The following MEGF10 variants were observed in gnomAD, a reference collection of about 807,000 sequenced individuals.
MEGF10 encodes multiple EGF like domains 10.
In MEGF10, 86 loss-of-function variants were observed where a neutral mutation model predicts 147.5. The observed-to-expected ratio is 0.58, with a 90% CI of 0.49 to 0.70. The LOEUF is 0.70. Ranked by LOEUF, MEGF10 falls within the 30% of genes least tolerant of loss-of-function variation. MEGF10 has a pLI of 0.00. For missense variants in MEGF10, 1,329 were observed against 1,487.3 expected, an observed-to-expected ratio of 0.89 and a Z score of 1.75; for synonymous variants, 478 against 525.5, an observed-to-expected ratio of 0.91 and a Z score of 1.24.
the MEGF10 span, among the ~76,000 whole-genome samples, chr5:127,250,719 A>G: frequency 6.6e-6 from 1 of 152,138 alleles, no homozygotes; most frequent in African/African-American, 2.4e-5. Context: ...ATTATAAAGA[A>G]AAGACACAGA....
intron 1 of MEGF10, among the ~76,000 whole-genome samples, chr5:127,296,966 T>G (rs555558650): frequency 2.0e-5 from 3 of 152,284 alleles, no homozygotes; most frequent in South Asian, 4.1e-4. Flanking sequence ...TTTTTTGTTT[T>G]GTTTTGTTTT....
the MEGF10 span, among the ~76,000 whole-genome samples, chr5:127,247,409 A>AGAG: frequency 2.8e-5 from 2 of 72,370 alleles, 1 homozygote; most frequent in African/African-American, 1.5e-4. Context: ...AAGAAGAAGA[A>AGAG]GAAGAAGAAG....
chr5:127,242,031 C>T, the MEGF10 span, among the ~76,000 whole-genome samples: 2 of 151,960 alleles, frequency 1.3e-5, no homozygotes, highest in Non-Finnish European at 2.9e-5. Flanking sequence ...ATTACATGAC[C>T]CCAAAAGGTT....
At chr5:127,377,856 G>A (rs1763093536) in intron 5 of MEGF10, among the ~76,000 whole-genome samples, 3 of 152,240 alleles carry the variant, frequency 2.0e-5, no homozygotes, top group Admixed American at 6.5e-5. Flanking sequence ...AATTACTTTC[G>A]AAATCAGGTT....
the MEGF10 span, among the ~76,000 whole-genome samples, chr5:127,253,499 A>C: frequency 6.6e-6 from 1 of 152,048 alleles, no homozygotes; most frequent in African/African-American, 2.4e-5. Context: ...ACATTGGAAA[A>C]GAAAATTATA....
chr5:127,392,336 G>T (rs1763735131), intron 5 of MEGF10, among the ~76,000 whole-genome samples: 1 of 152,118 alleles, frequency 6.6e-6, no homozygotes. Context: ...CTCACACCCA[G>T]ACTTCCTACT....
chr5:127,455,273 G>A (rs751547768), intron 23 of MEGF10, 128 bp from the exon 24 acceptor site: 6 of 829,060 alleles, frequency 7.2e-6, no homozygotes, highest in Non-Finnish European at 1.2e-5. Flanking sequence ...AAGTGGAAAA[G>A]GTACAGTATT....
At chr5:127,283,766 T>A in the MEGF10 span, among the ~76,000 whole-genome samples, 1 of 152,198 alleles carries the variant, frequency 6.6e-6, no homozygotes. Context: ...TAAGAAAACA[T>A]GAGAGGGCAT....
intron 2 of MEGF10, among the ~76,000 whole-genome samples, chr5:127,333,646 A>G (rs565315445): frequency 3.6e-4 from 55 of 152,342 alleles, no homozygotes; most frequent in African/African-American, 1.3e-3. Flanking sequence ...CTGCCAATGC[A>G]TAAGTGCATT....
intron 13 of MEGF10, among the ~76,000 whole-genome samples, chr5:127,426,380 A>G (rs1205211917): frequency 3.3e-5 from 5 of 152,192 alleles, no homozygotes; most frequent in African/African-American, 1.2e-4. Flanking sequence ...TTTAGATCCT[A>G]TTTCCAAAAA....
At chr5:127,389,097 G>A (rs1763548526) in intron 5 of MEGF10, among the ~76,000 whole-genome samples, 1 of 152,190 alleles carries the variant, frequency 6.6e-6, no homozygotes, top group Admixed American at 6.5e-5. Context: ...TAAAGCCCTT[G>A]ACCTTTTGTA....
chr5:127,277,534 A>G, the MEGF10 span, among the ~76,000 whole-genome samples: 36 of 152,208 alleles, frequency 2.4e-4, no homozygotes, highest in African/African-American at 8.7e-4. Flanking sequence ...AGGCACTGTG[A>G]ACACTTTGAC....
the MEGF10 span, among the ~76,000 whole-genome samples, chr5:127,263,334 A>C: frequency 1.3e-5 from 2 of 151,898 alleles, no homozygotes; most frequent in Non-Finnish European, 2.9e-5. Flanking sequence ...TATAGATAAG[A>C]AGCTAAAATT....
chr5:127,324,546 G>T (rs944181853), intron 1 of MEGF10, among the ~76,000 whole-genome samples: 1 of 151,918 alleles, frequency 6.6e-6, no homozygotes, highest in African/African-American at 2.4e-5. Flanking sequence ...ACATACTTCC[G>T]ATTCCTAGGC....
intron 13 of MEGF10, chr5:127,424,532 G>GC: frequency 7.0e-7 from 1 of 1,426,684 alleles, no homozygotes; most frequent in South Asian, 1.5e-5. Context: ...CTCTTCAGTA[G>GC]TGTCTCTCAG....
At chr5:127,429,092 G>A (rs1479296143) in intron 13 of MEGF10, among the ~76,000 whole-genome samples, 1 of 152,162 alleles carries the variant, frequency 6.6e-6, no homozygotes. Flanking sequence ...CATTGAACCA[G>A]AGATGGCTGC....
At chr5:127,372,531 C>T (rs1309913814) in intron 5 of MEGF10, among the ~76,000 whole-genome samples, 2 of 152,188 alleles carry the variant, frequency 1.3e-5, no homozygotes, top group African/African-American at 4.8e-5. Context: ...CGGATTCCAG[C>T]TCAGGCCAAC....
the MEGF10 span, among the ~76,000 whole-genome samples, chr5:127,240,563 T>G: frequency 6.6e-6 from 1 of 152,212 alleles, no homozygotes; most frequent in South Asian, 2.1e-4. Context: ...GAAGCTGAAT[T>G]TTAGTTCTTA....
chr5:127,444,053 G>C (rs1201528389), intron 19 of MEGF10, among the ~76,000 whole-genome samples: 8 of 152,182 alleles, frequency 5.3e-5, no homozygotes, highest in Admixed American at 1.3e-4. Flanking sequence ...AACGACCTGG[G>C]AATAGTTGTC....
Sources: gnomAD v4.1 joint callset for allele counts (sites outside exome capture counted in the v4.1 genomes callset) on GRCh38, gnomAD v4.1.1 for gene constraint, MANE v1.5 for transcripts, NCBI Gene and HGNC (gene_info 2026-07-23, HGNC 2026-07-21) for gene names.